PCDH15: variants seen among roughly 807,000 people sequenced by gnomAD.
The protein encoded by PCDH15 is protocadherin-15.
PCDH15 carries 129 observed loss-of-function variants against 178.5 expected under a neutral mutation model. The observed-to-expected ratio is 0.72, with a 90% confidence interval of 0.63 to 0.84. PCDH15 has a LOEUF of 0.84. Ranked by LOEUF, PCDH15 falls within the 40% of genes least tolerant of loss-of-function variation. PCDH15 has a pLI of 0.00. For missense variants in PCDH15, 2,230 were observed against 2,099.9 expected (o/e 1.06, Z -1.21); for synonymous variants, 800 against 732.0 (o/e 1.09, Z -1.50).
intron 2 of PCDH15, among the ~76,000 whole-genome samples, chr10:55,449,107 C>T (rs1159146100): frequency 1.3e-5 from 2 of 151,812 alleles, no homozygotes; most frequent in African/African-American, 4.8e-5. Context: ...TAAAGGTTGC[C>T]TTTAAATTGA....
chr10:53,885,996 G>A, intron 26 of PCDH15, among the ~76,000 whole-genome samples: 1 of 152,148 alleles, frequency 6.6e-6, no homozygotes, highest in East Asian at 1.9e-4. Flanking sequence ...AAAGAAAAAT[G>A]GCTGTGTGTT....
At chr10:55,596,371 T>C (rs1057349019) in intron 2 of PCDH15, among the ~76,000 whole-genome samples, 4 of 152,104 alleles carry the variant, frequency 2.6e-5, no homozygotes, top group Admixed American at 6.6e-5. Context: ...AGTATAACAC[T>C]CAGTCCCTAG....
intron 29 of PCDH15, among the ~76,000 whole-genome samples, chr10:53,836,012 G>GT (rs1274233080): frequency 3.9e-5 from 6 of 152,108 alleles, no homozygotes; most frequent in African/African-American, 1.4e-4. Flanking sequence ...AACAAGGGCC[G>GT]TAAGTATTAG....
At chr10:55,411,835 C>T (rs1838341598) in intron 2 of PCDH15, among the ~76,000 whole-genome samples, 1 of 151,862 alleles carries the variant, frequency 6.6e-6, no homozygotes, top group African/African-American at 2.4e-5. Context: ...CACAGATAAT[C>T]CTGCAGTTAG....
At chr10:53,949,567 T>A (rs1018958629) in intron 23 of PCDH15, among the ~76,000 whole-genome samples, 8 of 151,822 alleles carry the variant, frequency 5.3e-5, no homozygotes, top group Admixed American at 4.6e-4. Flanking sequence ...ACACTGTCAC[T>A]ACAAAATAAT....
intron 23 of PCDH15, among the ~76,000 whole-genome samples, chr10:53,948,433 T>C (rs915280338): frequency 1.3e-5 from 2 of 152,194 alleles, no homozygotes; most frequent in Non-Finnish European, 2.9e-5. Context: ...TTGCCAGATA[T>C]ACATTTTCTG....
intron 8 of PCDH15, among the ~76,000 whole-genome samples, chr10:54,273,644 T>C (rs150454822): frequency 6.6e-6 from 1 of 152,128 alleles, no homozygotes; most frequent in Non-Finnish European, 1.5e-5. Flanking sequence ...AAAAAAGTCA[T>C]CAAACATATA....
chr10:55,167,206 T>C (rs1839218238), intron 1 of PCDH15, among the ~76,000 whole-genome samples: 2 of 152,200 alleles, frequency 1.3e-5, no homozygotes, highest in African/African-American at 2.4e-5. Flanking sequence ...CTCAACCACC[T>C]GGGCTCAAGC....
chr10:55,603,247 G>A (rs11818293), intron 2 of PCDH15, among the ~76,000 whole-genome samples: 45,178 of 150,062 alleles, frequency 0.3, 6,999 homozygotes, highest in African/African-American at 0.37. Context: ...GACTATGTGA[G>A]ATGACCAAAT....
At chr10:55,089,183 G>A (rs769467239) in intron 2 of PCDH15, among the ~76,000 whole-genome samples, 8 of 151,954 alleles carry the variant, frequency 5.3e-5, no homozygotes, top group South Asian at 2.1e-4. Flanking sequence ...CACATAATTC[G>A]TAAGACAGGC....
At chr10:54,532,278 G>C (rs1017750059) in intron 2 of PCDH15, among the ~76,000 whole-genome samples, 4 of 151,738 alleles carry the variant, frequency 2.6e-5, no homozygotes, top group African/African-American at 9.7e-5. Context: ...TCACAAATAT[G>C]ATTCTAGAAT....
At chr10:55,422,424 C>A (rs115618222) in intron 2 of PCDH15, among the ~76,000 whole-genome samples, 2 of 151,774 alleles carry the variant, frequency 1.3e-5, no homozygotes, top group Non-Finnish European at 2.9e-5. Context: ...CATTGATCAA[C>A]AAAAGCATGG....
chr10:54,205,685 A>T (rs185815432), intron 10 of PCDH15, among the ~76,000 whole-genome samples: 1 of 152,152 alleles, frequency 6.6e-6, no homozygotes, highest in East Asian at 1.9e-4. Context: ...TTGATTCTTG[A>T]CCCTACTTAT....
chr10:55,110,048 T>C (rs973649166), intron 2 of PCDH15, among the ~76,000 whole-genome samples: 1 of 151,712 alleles, frequency 6.6e-6, no homozygotes, highest in Non-Finnish European at 1.5e-5. Flanking sequence ...TTGTAGTTAC[T>C]ATTGATTTTT....
At chr10:53,844,040 A>C (rs558776674) in intron 28 of PCDH15, among the ~76,000 whole-genome samples, 97 of 151,824 alleles carry the variant, frequency 6.4e-4, no homozygotes, top group African/African-American at 2.1e-3. Flanking sequence ...CAAAAACTTT[A>C]GGGAACAATG....
chr10:55,335,300 AG>A (rs1322095513), intron 2 of PCDH15, among the ~76,000 whole-genome samples: 2 of 152,198 alleles, frequency 1.3e-5, no homozygotes, highest in East Asian at 3.9e-4. Context: ...CAGGTGAAAA[AG>A]TTCTGGAGAA....
chr10:54,117,274 T>C (rs78481531), intron 15 of PCDH15, among the ~76,000 whole-genome samples: 2 of 75,540 alleles, frequency 2.6e-5, no homozygotes, highest in East Asian at 2.5e-4. Context: ...GGTGCCAGTA[T>C]AGGAGGAAGG....
intron 2 of PCDH15, among the ~76,000 whole-genome samples, chr10:55,578,550 A>G (rs1478122371): frequency 2.0e-5 from 3 of 152,046 alleles, no homozygotes; most frequent in Non-Finnish European, 1.5e-5. Flanking sequence ...GATAATTCCC[A>G]ATGTGTCATT....
chr10:53,833,328 T>TA (rs2077121555), intron 29 of PCDH15, among the ~76,000 whole-genome samples: 1 of 152,054 alleles, frequency 6.6e-6, no homozygotes, highest in South Asian at 2.1e-4. Flanking sequence ...CCCTATTACT[T>TA]AGATACTTAT....
Sources: gnomAD v4.1 joint callset for allele counts (sites outside exome capture counted in the v4.1 genomes callset) on GRCh38, gnomAD v4.1.1 for gene constraint, MANE v1.5 for transcripts, NCBI Gene and HGNC (gene_info 2026-07-23, HGNC 2026-07-21) for gene names.